Variants in SAMHD1 observed in about 807,000 individuals in gnomAD.
The protein encoded by SAMHD1 is SAM and HD domain containing deoxynucleoside triphosphate triphosphohydrolase 1.
A neutral mutation model predicts 79.6 loss-of-function variants in SAMHD1; 54 were observed. The observed-to-expected ratio is 0.68, with a 90% CI of 0.55 to 0.85. The LOEUF (loss-of-function observed/expected upper bound fraction) is 0.85, where lower values mean the gene tolerates loss of function less well. Among genes scored for constraint, SAMHD1 ranks in the 40% least tolerant of loss-of-function variants. SAMHD1 has a pLI of 0.00. For synonymous variants in SAMHD1, 260 were observed against 264.1 expected (o/e 0.98, Z 0.15); for missense variants, 663 against 782.7 (o/e 0.85, Z 1.82).
At chr20:36,931,003 A>T in intron 4 of SAMHD1, 128 bp from the exon 5 acceptor site, 1 of 709,616 alleles carries the variant, frequency 1.4e-6, no homozygotes, top group Non-Finnish European at 2.6e-6. Context: ...ACTGAACAGT[A>T]TATTTCAGAA....
At position 36,910,527 on chromosome 20, in the gene SAMHD1, C is replaced by T. The variant is rs148017186; in HGVS notation, c.1270+691G>A. 1.3e-3 allele frequency among the ~76,000 whole-genome samples: 201 copies of T among 151,854 alleles called. 2 individuals carry two copies. Among genetic ancestry groups the T allele is most frequent in the African/African-American group, 4.4e-3 (182 of 41,380 alleles). On this transcript the variant is annotated intron_variant, in intron 11 of 15. Transcript: ENST00000646673. ...GGTGGATCACATGAGGTCAGGAGTT[C>T]GAGAAGACCCTGGCCAATATGGTAA... is the stretch of plus-strand genomic sequence containing the variant.
At chr20:36,937,558 C>T (rs949988920) in intron 3 of SAMHD1, among the ~76,000 whole-genome samples, 7 of 152,138 alleles carry the variant, frequency 4.6e-5, no homozygotes, top group African/African-American at 1.4e-4. Flanking sequence ...ACACTGTGAA[C>T]TTTCTAAAAA....
chr20:36,910,085 T>C (rs965416442), intron 11 of SAMHD1, among the ~76,000 whole-genome samples: 2 of 151,726 alleles, frequency 1.3e-5, no homozygotes, highest in African/African-American at 4.8e-5. Flanking sequence ...TAGCCAGGTG[T>C]GGTGGCGGGC....
At chr20:36,937,169 T>C (rs938919892) in intron 3 of SAMHD1, among the ~76,000 whole-genome samples, 10 of 149,786 alleles carry the variant, frequency 6.7e-5, no homozygotes, top group African/African-American at 1.7e-4. Context: ...GATTCATTGA[T>C]ACATTTGAAA....
chr20:36,938,995 C>T (rs996100959), intron 3 of SAMHD1, among the ~76,000 whole-genome samples: 1 of 144,326 alleles, frequency 6.9e-6, no homozygotes, highest in African/African-American at 2.6e-5. Context: ...CTTTGGGAGG[C>T]CAAGGTGGGC....
chr20:36,892,728 C>A lies in SAMHD1; in HGVS notation c.*204G>T. The A allele has an allele frequency of 1.5e-6, 1 of 660,152 alleles. No individual in the cohort carries two copies. 40.9% of individuals were successfully genotyped at this position (660,152 alleles called of 1,614,324 possible). ...AGGCTTTAATAATATTAAAAATAGG[C>A]AAGGTAATGCTTTTCATAGTATAGT... On this transcript the variant is annotated 3_prime_UTR_variant, in exon 16 of 16. Transcript: ENST00000646673.
At chr20:36,944,842 C>T (rs1035955957) in intron 2 of SAMHD1, among the ~76,000 whole-genome samples, 3 of 151,988 alleles carry the variant, frequency 2.0e-5, no homozygotes, top group African/African-American at 7.2e-5. Context: ...TGAGGTAAGA[C>T]GAGATCGTGC....
intron 7 of SAMHD1, among the ~76,000 whole-genome samples, chr20:36,917,465 A>G (rs2063482746): frequency 6.6e-6 from 1 of 152,138 alleles, no homozygotes; most frequent in Admixed American, 6.6e-5. Context: ...CAGCTTGGCC[A>G]AGATGGTGAA....
intron 15 of SAMHD1, among the ~76,000 whole-genome samples, chr20:36,896,173 A>G (rs561335597): frequency 6.6e-6 from 1 of 151,690 alleles, no homozygotes; most frequent in African/African-American, 2.4e-5. Flanking sequence ...GGGGTTTCAC[A>G]GTATTAGCCA....
chr20:36,890,325 C>T lies in SAMHD1; in HGVS notation c.*2607G>A, dbSNP rs541998433. 21 of 152,174 alleles carry T rather than the reference C, an allele frequency of 1.4e-4. No homozygotes were observed. Among genetic ancestry groups the T allele is most frequent in the Admixed American group, 3.3e-4 (5 of 15,252 alleles). The allele number at this position is 152,174 out of a possible 1,614,324, so 9.4% of individuals were successfully genotyped here. ...TCTATTTACATTCCCAAGGTAACCA[C>T]GTTCAGTAACTCTCTAGAGGCTAAG... On this transcript the variant is annotated 3_prime_UTR_variant, in exon 16 of 16. Coordinates refer to ENST00000646673, the MANE Select transcript of SAMHD1 (RefSeq NM_015474.4).
intron 5 of SAMHD1, among the ~76,000 whole-genome samples, chr20:36,929,669 G>A (rs1050322004): frequency 6.6e-6 from 1 of 151,998 alleles, no homozygotes; most frequent in African/African-American, 2.4e-5. Flanking sequence ...CCAAGATAGT[G>A]CCAACTGCAC....
chr20:36,937,520 CT>C (rs1164027148), intron 3 of SAMHD1, among the ~76,000 whole-genome samples: 1 of 152,194 alleles, frequency 6.6e-6, no homozygotes, highest in Non-Finnish European at 1.5e-5. Flanking sequence ...GCTCTTACAA[CT>C]CAAATCAAAT....
At position 36,937,440 on chromosome 20, in the gene SAMHD1, C is replaced by A. The variant is rs1369853626; in HGVS notation, c.349-2251G>T. 2.0e-5 allele frequency among the ~76,000 whole-genome samples: 3 copies of A among 152,248 alleles called. No individual in the cohort carries two copies. In the East Asian group the frequency reaches 5.8e-4, roughly 29 times the overall value. ...CACCATCAAAAAAGTAAAAAGACAA[C>A]CCACAGACTGGGAAAAAATATTTGT... On this transcript the variant is annotated intron_variant, in intron 3 of 15. Transcript: ENST00000646673.
rs757372495 is a variant in SAMHD1 at position 36,892,429 on chromosome 20, T to C, written c.*503A>G. On this transcript the variant is annotated 3_prime_UTR_variant, in exon 16 of 16. Coordinates refer to ENST00000646673, the MANE Select transcript of SAMHD1 (RefSeq NM_015474.4). Reference sequence around the variant, plus strand: ...CCATGTTTGTCAATGACAATGTCAATTTCTAGTTCCAATTTGTACCCTTGT... The same window carrying C: ...CCATGTTTGTCAATGACAATGTCAACTTCTAGTTCCAATTTGTACCCTTGT... 3.1e-5 allele frequency: 6 copies of C among 191,406 alleles called. No individual in the cohort carries two copies. The highest frequency in any genetic ancestry group is 6.5e-5 in the Non-Finnish European group (6 of 91,826). The allele number at this position is 191,406 out of a possible 1,614,324, so 11.9% of individuals were successfully genotyped here.
intron 15 of SAMHD1, among the ~76,000 whole-genome samples, chr20:36,896,415 A>G (rs1194966834): frequency 6.6e-6 from 1 of 152,182 alleles, no homozygotes; most frequent in Non-Finnish European, 1.5e-5. Flanking sequence ...CATACAGTGC[A>G]TGGTAATTCT....
chr20:36,920,179 T>C (rs1435368548), intron 6 of SAMHD1, among the ~76,000 whole-genome samples: 2 of 152,102 alleles, frequency 1.3e-5, no homozygotes, highest in Non-Finnish European at 2.9e-5. Flanking sequence ...AGTGATGTGA[T>C]CATGGGGTCA....
rs1259946581 is a variant in SAMHD1 at position 36,900,818 on chromosome 20, C to T, written c.1504-2274G>A. 2.9e-5 allele frequency among the ~76,000 whole-genome samples: 4 copies of T among 138,364 alleles called. No homozygotes were observed. In the South Asian group the frequency reaches 7.2e-4, roughly 25 times the overall value. The allele number at this position is 138,364 out of a possible 152,430, so 90.8% of individuals were successfully genotyped here. ...CGATCTCCTGACCTTGTGATCTGCCCGCCTTGGCCTCCCAAAGTGCTGGGA... is the reference window on the plus strand; with the variant it reads ...CGATCTCCTGACCTTGTGATCTGCCTGCCTTGGCCTCCCAAAGTGCTGGGA... On this transcript the variant is annotated intron_variant, in intron 13 of 15. Transcript: ENST00000646673.
chr20:36,951,131 G>A (rs1432006894), intron 1 of SAMHD1, among the ~76,000 whole-genome samples: 1 of 152,244 alleles, frequency 6.6e-6, no homozygotes, highest in Non-Finnish European at 1.5e-5. Context: ...AATCCCGGGA[G>A]CCTGCTCCCA....
At chr20:36,927,361 A>G in intron 5 of SAMHD1, 109 bp from the exon 6 acceptor site, 1 of 870,676 alleles carries the variant, frequency 1.1e-6, no homozygotes, top group East Asian at 2.8e-5. Flanking sequence ...CTTGTTGCCC[A>G]GGCTGGAGTG....
Sources: gnomAD v4.1 joint callset for allele counts (sites outside exome capture counted in the v4.1 genomes callset) on GRCh38, gnomAD v4.1.1 for gene constraint, MANE v1.5 for transcripts, NCBI Gene and HGNC (gene_info 2026-07-23, HGNC 2026-07-21) for gene names.